TSHR: variants seen among roughly 807,000 people sequenced by gnomAD.
The protein encoded by TSHR is thyrotropin receptor.
TSHR carries 51 observed loss-of-function variants against 64.1 expected under a neutral mutation model. The ratio of observed to expected loss-of-function variants is 0.80; its 90% CI spans 0.64 to 1.01. The LOEUF (loss-of-function observed/expected upper bound fraction) is 1.01, where lower values mean the gene tolerates loss of function less well. Ranked by LOEUF, TSHR falls within the 50% of genes least tolerant of loss-of-function variation. The probability of loss-of-function intolerance (pLI) is 0.00; values close to 1 mark genes in which losing one functional copy is unlikely to be tolerated. For missense variants in TSHR, 877 were observed against 942.8 expected (o/e 0.93, Z 0.91); for synonymous variants, 361 against 361.9 (o/e 1.00, Z 0.03).
intron 1 of TSHR, among the ~76,000 whole-genome samples, chr14:80,990,200 A>G (rs369233696): frequency 9.8e-5 from 15 of 152,374 alleles, no homozygotes; most frequent in African/African-American, 2.9e-4. Context: ...AAAGGCAGGA[A>G]GGGCTAAGGG....
Position 81,055,524 on chromosome 14 carries a change from T to C in TSHR, c.171-6624T>C, listed in dbSNP as rs1885724592. ...TCTACAGACACTCAACACTAGCCCA[T>C]GAAAGCAGCTGAGAGGGAGGCTGTA... On this transcript the variant is annotated intron_variant, in intron 1 of 9. Transcript: ENST00000298171. Among the ~76,000 whole-genome samples the C allele has an allele frequency of 2.0e-5, 3 of 152,056 alleles. No individual in the cohort carries two copies. The South Asian group carries it at 6.2e-4, about 32-fold the overall frequency.
chr14:80,956,697 G>T (rs886739351), intron 1 of TSHR, among the ~76,000 whole-genome samples: 1 of 152,020 alleles, frequency 6.6e-6, no homozygotes, highest in Admixed American at 6.5e-5. Context: ...AAAAATGCAG[G>T]TTATTAAAGA....
chr14:81,103,075 A>C lies in TSHR; in HGVS notation c.615-5300A>C. Reference sequence around the variant, plus strand: ...GCACTTCAGTAAAAGGTATCATGTAAATCCAGTGTAAAATCAAAATGATGG... The same window carrying C: ...GCACTTCAGTAAAAGGTATCATGTACATCCAGTGTAAAATCAAAATGATGG... On this transcript the variant is annotated intron_variant, in intron 7 of 9. Transcript: ENST00000298171. The surrounding 1 kb of genome is among the most constrained non-coding windows in gnomAD (Gnocchi z 4.1). 1.0e-6 allele frequency: 1 copy of C among 985,426 alleles called. No homozygotes were observed. Among genetic ancestry groups the C allele is most frequent in the Non-Finnish European group, 1.2e-6 (1 of 829,934 alleles). The allele number at this position is 985,426 out of a possible 1,614,324, so 61.0% of individuals were successfully genotyped here.
intron 1 of TSHR, among the ~76,000 whole-genome samples, chr14:80,986,538 G>A (rs1888457358): frequency 6.6e-6 from 1 of 152,120 alleles, no homozygotes; most frequent in African/African-American, 2.4e-5. Context: ...CTAGGCTGGA[G>A]TGTAATGGCG....
chr14:80,983,618 A>C, intron 1 of TSHR: 1 of 930,534 alleles, frequency 1.1e-6, no homozygotes, highest in Non-Finnish European at 1.6e-6. Context: ...GGGAAGTTAA[A>C]GGGATTATTG....
rs751390919 is a variant in TSHR, at chr14:81,092,514, G to A, written c.468-17G>A. On this transcript the variant is annotated splice_polypyrimidine_tract_variant and intron_variant, in intron 5 of 9. Transcript: ENST00000298171. ...AAGCATTTTTTCATTAAGTGTTTTT[G>A]TCCCTCTCTCTTGCAGTGAAATTAC... 13 of 1,613,332 alleles carry A rather than the reference G, an allele frequency of 8.1e-6. No individual in the cohort carries two copies. The Admixed American group carries it at 1.0e-4, about 12-fold the overall frequency.
At chr14:81,006,151 A>G (rs1216831062) in intron 1 of TSHR, among the ~76,000 whole-genome samples, 1 of 152,226 alleles carries the variant, frequency 6.6e-6, no homozygotes, top group East Asian at 1.9e-4. Context: ...TTTTAAAAAA[A>G]GTTGTGAAGA....
intron 8 of TSHR, among the ~76,000 whole-genome samples, chr14:81,121,612 A>G (rs1232462095): frequency 6.6e-6 from 1 of 152,140 alleles, no homozygotes; most frequent in Non-Finnish European, 1.5e-5. Flanking sequence ...ATCAGAGCTG[A>G]AGAATGAAGA....
At chr14:81,072,929 G>A (rs1462838580) in intron 3 of TSHR, among the ~76,000 whole-genome samples, 7 of 126,608 alleles carry the variant, frequency 5.5e-5, no homozygotes, top group East Asian at 2.1e-4. Context: ...CCCGGGAGGC[G>A]GAGCTTGCAG....
intron 1 of TSHR, chr14:81,012,985 CT>C (rs1435400534): frequency 6.6e-6 from 1 of 152,150 alleles, no homozygotes; most frequent in African/African-American, 2.4e-5. Context: ...GTTGCTATTG[CT>C]TTTGGTGTTT....
At chr14:81,114,421 C>G (rs12586613) in intron 8 of TSHR, among the ~76,000 whole-genome samples, 1 of 152,098 alleles carries the variant, frequency 6.6e-6, no homozygotes, top group African/African-American at 2.4e-5. Context: ...GGGTGACAGA[C>G]GGCAACTGGA....
At position 81,090,854 on chromosome 14, in the gene TSHR, A is replaced by G. The variant is rs1337983738; in HGVS notation, c.393-215A>G. Among the ~76,000 whole-genome samples, 7 of 152,218 alleles carry G rather than the reference A, an allele frequency of 4.6e-5. No homozygotes were observed. The East Asian group carries it at 1.3e-3, about 29-fold the overall frequency. On this transcript the variant is annotated intron_variant, in intron 4 of 9. Transcript: ENST00000298171. ...CGAGCAGATGTATTGACACCAGTGG[A>G]CTGGATTAAATTATTATGCCTTGAG...
rs1335136922 is a variant in TSHR at position 81,130,904 on chromosome 14, T to C, written c.693-8775T>C. 1.6e-4 allele frequency among the ~76,000 whole-genome samples: 16 copies of C among 101,960 alleles called. 4 individuals are homozygous for C. Among genetic ancestry groups the C allele is most frequent in the African/African-American group, 3.0e-4 (5 of 16,572 alleles). The allele number at this position is 101,960 out of a possible 152,430, so 66.9% of individuals were successfully genotyped here. On this transcript the variant is annotated intron_variant, in intron 8 of 9. Coordinates refer to ENST00000298171, the MANE Select transcript of TSHR (RefSeq NM_000369.5). ...TACTCGGGAGGCTGAGGCAGGAGAATGGCGTGAACCCGGGAAGCGGAGCTT... is the reference window on the plus strand; with the variant it reads ...TACTCGGGAGGCTGAGGCAGGAGAACGGCGTGAACCCGGGAAGCGGAGCTT...
chr14:81,139,836 T>C lies in TSHR; in HGVS notation c.850T>C (p.Cys284Arg), dbSNP rs1891609966. 6.2e-7 allele frequency: 1 copy of C among 1,614,102 alleles called. No individual in the cohort carries two copies. Among genetic ancestry groups the C allele is most frequent in the Non-Finnish European group, 8.5e-7 (1 of 1,180,044 alleles). Residue 284 changes from cysteine to arginine, a missense_variant, in exon 9 of 10, where the codon TGT becomes CGT. By Grantham distance (180) the Cys-to-Arg change is radical. Transcript: ENST00000298171. ...TGACCTTTCTTACCCAAGCCACTGC[T>C]GTGCTTTTAAGAATCAGAAGAAAAT... is the stretch of plus-strand genomic sequence containing the variant. Reference protein sequence around the residue: ...RADLSYPSHCCAFKNQKKIRG... With the variant: ...RADLSYPSHCRAFKNQKKIRG...
chr14:81,144,189 G>A lies in TSHR; in HGVS notation c.2131G>A (p.Val711Ile), dbSNP rs2140114115. ...RQAQAYRGQR[V>I]PPKNSTDIQV... ...GGCTCAGGCATACCGGGGGCAGAGG[G>A]TTCCTCCAAAGAACAGCACTGATAT... Residue 711 changes from valine to isoleucine, a missense_variant, in exon 10 of 10, where the codon GTT becomes ATT. Transcript: ENST00000298171. The A allele has an allele frequency of 2.5e-6, 4 of 1,613,818 alleles. 1 individual carries two copies. The highest frequency in any genetic ancestry group is 3.3e-4 in the Middle Eastern group (2 of 6,062).
rs1888152780 is a variant in TSHR, at chr14:80,981,275, A to G, written c.170+25425A>G. On this transcript the variant is annotated intron_variant, in intron 1 of 9. Transcript: ENST00000298171. ...CAGCCATCCAGTAGTTTAAATGCCA[A>G]CCAAAACACACAAGTTTATGGGCAA... is the stretch of plus-strand genomic sequence containing the variant. Among the ~76,000 whole-genome samples, 3 of 152,360 alleles carry G rather than the reference A, an allele frequency of 2.0e-5. No individual in the cohort carries two copies. The South Asian group carries it at 6.2e-4, about 32-fold the overall frequency.
In TSHR at chr14:81,103,067, A is replaced by G. The variant is rs1889687837; in HGVS notation, c.615-5308A>G. ...AGATTTAAGCACTTCAGTAAAAGGT[A>G]TCATGTAAATCCAGTGTAAAATCAA... On this transcript the variant is annotated intron_variant, in intron 7 of 9. Transcript: ENST00000298171. The surrounding 1 kb of genome is among the most constrained non-coding windows in gnomAD (Gnocchi z 4.1). The G allele has an allele frequency of 4.1e-6, 4 of 985,318 alleles. No individual in the cohort carries two copies. The highest frequency in any genetic ancestry group is 4.8e-6 in the Non-Finnish European group (4 of 829,930). 61.0% of individuals were successfully genotyped at this position (985,318 alleles called of 1,614,324 possible).
At position 80,978,094 on chromosome 14, in the gene TSHR, A is replaced by AACACACACAC. The variant is rs60697218; in HGVS notation, c.170+22272_170+22281dup. On this transcript the variant is annotated intron_variant, in intron 1 of 9. Coordinates refer to ENST00000298171, the MANE Select transcript of TSHR (RefSeq NM_000369.5). ...GCCTCCTCCTCAACAACATCCCTCC[A>AACACACACAC]ACACACACACACACACACACACACA... Among the ~76,000 whole-genome samples the AACACACACAC allele has an allele frequency of 1.1e-3, 156 of 146,490 alleles. 1 individual carries two copies. The highest frequency in any genetic ancestry group is 3.5e-3 in the African/African-American group (138 of 39,240).
intron 8 of TSHR, among the ~76,000 whole-genome samples, chr14:81,110,321 TA>T (rs1566819570): frequency 6.6e-6 from 1 of 152,186 alleles, no homozygotes; most frequent in Non-Finnish European, 1.5e-5. Flanking sequence ...AGGTGAGCCC[TA>T]ATCCAATCTG....
Sources: gnomAD v4.1 joint callset for allele counts (sites outside exome capture counted in the v4.1 genomes callset) on GRCh38, gnomAD v4.1.1 for gene constraint, Gnocchi (gnomAD v3.1) non-coding constraint, MANE v1.5 for transcripts, NCBI Gene and HGNC (gene_info 2026-07-23, HGNC 2026-07-21) for gene names.